Variants in HIBCH observed in about 807,000 individuals in gnomAD.
The protein encoded by HIBCH is 3-hydroxyisobutyryl-CoA hydrolase.
A neutral mutation model predicts 58.2 loss-of-function variants in HIBCH; 50 were observed. The observed-to-expected ratio is 0.86, with a 90% CI of 0.68 to 1.09. The LOEUF is 1.09. Among genes scored for constraint, HIBCH ranks in the 50% least tolerant of loss-of-function variants. HIBCH has a pLI of 0.00. For synonymous variants in HIBCH, 151 were observed against 146.9 expected (o/e 1.03, Z -0.20); for missense variants, 450 against 449.7 (o/e 1.00, Z -0.01).
At chr2:190,198,397 T>C (rs1250611671) in intron 1 of HIBCH, among the ~76,000 whole-genome samples, 3 of 152,174 alleles carry the variant, frequency 2.0e-5, no homozygotes, top group Non-Finnish European at 2.9e-5. Context: ...TCCAAGCACT[T>C]TGGGAGGCTG....
intron 1 of HIBCH, among the ~76,000 whole-genome samples, chr2:190,195,727 A>C (rs954300558): frequency 2.6e-5 from 4 of 152,132 alleles, no homozygotes; most frequent in African/African-American, 9.7e-5. Flanking sequence ...CATTTTCTTG[A>C]CCATGTCTTA....
intron 6 of HIBCH, among the ~76,000 whole-genome samples, chr2:190,285,585 C>T (rs1226915406): frequency 2.0e-5 from 3 of 152,122 alleles, no homozygotes; most frequent in Non-Finnish European, 2.9e-5. Context: ...GGGGAACTTC[C>T]TGTATTCCAA....
rs1687709696 is a variant in HIBCH, at chr2:190,281,760, T to C, written c.438+5826A>G. Among the ~76,000 whole-genome samples, 1 of 152,208 alleles carries C rather than the reference T, an allele frequency of 6.6e-6. No individual in the cohort carries two copies. Among genetic ancestry groups the C allele is most frequent in the African/African-American group, 2.4e-5 (1 of 41,454 alleles). ...CCCTCTCACAGCTTTATGTAAGCTA[T>C]TAAAAGTAGCCATGCAGCAGCCTGA... On this transcript the variant is annotated intron_variant, in intron 6 of 13. Transcript: ENST00000359678. The surrounding 1 kb of genome is among the most constrained non-coding windows in gnomAD (Gnocchi z 5.4).
intron 1 of HIBCH, among the ~76,000 whole-genome samples, chr2:190,317,886 T>TGC (rs749724333): frequency 1 from 148,780 of 148,830 alleles, 74,365 homozygotes; most frequent in Middle Eastern, 1. Flanking sequence ...TGCAGTGGCA[T>TGC]GATCTCGGCT....
intron 6 of HIBCH, among the ~76,000 whole-genome samples, chr2:190,270,706 G>A (rs989646514): frequency 1.3e-5 from 2 of 152,132 alleles, no homozygotes; most frequent in African/African-American, 4.8e-5. Flanking sequence ...TGGCATAAAA[G>A]TTACTATTAT....
At position 190,289,738 on chromosome 2, in the gene HIBCH, A is replaced by G. The variant is rs201501371; in HGVS notation, c.385+667T>C. Among the ~76,000 whole-genome samples, 5 of 152,126 alleles carry G rather than the reference A, an allele frequency of 3.3e-5. No homozygotes were observed. In the East Asian group the frequency reaches 5.8e-4, roughly 18 times the overall value. On this transcript the variant is annotated intron_variant, in intron 5 of 13. Coordinates refer to ENST00000359678, the MANE Select transcript of HIBCH (RefSeq NM_014362.4). ...AGATAAAAGTACTGCTTCACCTCCA[A>G]TGAAACCTAGAACCTTGAATATAAA...
At chr2:190,268,037 T>A (rs991888896) in intron 6 of HIBCH, among the ~76,000 whole-genome samples, 1 of 152,152 alleles carries the variant, frequency 6.6e-6, no homozygotes, top group East Asian at 1.9e-4. Flanking sequence ...GCATTTTAAA[T>A]ACTCAATTAG....
chr2:190,202,959 A>G (rs1301923003), downstream of HIBCH: 3 of 167,026 alleles, frequency 1.8e-5, no homozygotes, highest in Non-Finnish European at 4.4e-5. Context: ...GTTCTTTGCA[A>G]TCTGCCTGTG....
At chr2:190,278,491 G>A (rs1369207745) in intron 6 of HIBCH, among the ~76,000 whole-genome samples, 8 of 152,136 alleles carry the variant, frequency 5.3e-5, no homozygotes, top group Admixed American at 2.0e-4. Flanking sequence ...GGCGTGAGCC[G>A]CCGTGCCCAG....
chr2:190,289,006 G>A (rs942435704), intron 5 of HIBCH, among the ~76,000 whole-genome samples: 3 of 152,144 alleles, frequency 2.0e-5, no homozygotes, highest in African/African-American at 4.8e-5. Flanking sequence ...AGCTACTCAG[G>A]TGGCTGAGGC....
chr2:190,227,847 C>T (rs1245844858), intron 11 of HIBCH, among the ~76,000 whole-genome samples: 1 of 152,140 alleles, frequency 6.6e-6, no homozygotes, highest in East Asian at 1.9e-4. Context: ...ATCAAAACCA[C>T]AATGAGATAC....
At chr2:190,238,136 G>T (rs1465875507) in intron 11 of HIBCH, among the ~76,000 whole-genome samples, 1 of 152,128 alleles carries the variant, frequency 6.6e-6, no homozygotes, top group Non-Finnish European at 1.5e-5. Context: ...AAACATACAT[G>T]TGCGTGTGTC....
At chr2:190,293,210 G>C (rs188801414) in intron 4 of HIBCH, among the ~76,000 whole-genome samples, 368 of 152,208 alleles carry the variant, frequency 2.4e-3, no homozygotes, top group African/African-American at 8.3e-3. Flanking sequence ...GCATGTTGTT[G>C]GGAGGCCGAG....
rs892064558 is a variant in HIBCH, at chr2:190,319,759, A to T, written c.-9T>A. On this transcript the variant is annotated 5_prime_UTR_variant, in exon 1 of 14. Transcript: ENST00000359678. ...ATCTCGCGCTGCCCCATCGCCAAAC[A>T]CTCCGAAGCTAAAGCAGCAGAGCGA... 3.7e-6 allele frequency: 6 copies of T among 1,610,856 alleles called. No individual in the cohort carries two copies. Among genetic ancestry groups the T allele is most frequent in the Non-Finnish European group, 5.1e-6 (6 of 1,178,798 alleles).
Position 190,249,635 on chromosome 2 carries a change from A to T in HIBCH, c.750+5T>A, listed in dbSNP as rs1275480625. The T allele has an allele frequency of 1.3e-6, 2 of 1,529,608 alleles. No homozygotes were observed. The highest frequency in any genetic ancestry group is 1.8e-6 in the Non-Finnish European group (2 of 1,103,538). The allele number at this position is 1,529,608 out of a possible 1,614,324, so 94.8% of individuals were successfully genotyped here. The stretch of plus-strand genomic sequence containing the variant: ...AACCTGAGGTTAGAATATTAACAAG[A>T]TTACCTCTGTATGGTAATTTTCTAA... On this transcript the variant is annotated splice_donor_5th_base_variant and intron_variant, in intron 9 of 13. Coordinates refer to ENST00000359678, the MANE Select transcript of HIBCH (RefSeq NM_014362.4).
In HIBCH at chr2:190,215,254, T is replaced by C. The variant is rs913763786; in HGVS notation, c.892-2179A>G. 1.3e-5 allele frequency: 2 copies of C among 152,218 alleles called. No individual in the cohort carries two copies. The highest frequency in any genetic ancestry group is 6.5e-5 in the Admixed American group (1 of 15,278). The allele number at this position is 152,218 out of a possible 1,614,324, so 9.4% of individuals were successfully genotyped here. A position where few individuals can be genotyped will look rare whatever the true frequency, so the allele number is the denominator to read the frequency against. ...TAATTATAAGGGCAGCCATAACCAT[T>C]TGGGAAAGACAGCGTCCTCCCAGGC... On this transcript the variant is annotated intron_variant, in intron 11 of 13. Coordinates refer to ENST00000359678, the MANE Select transcript of HIBCH (RefSeq NM_014362.4). This position sits in a 1 kb window ranked among gnomAD's most constrained non-coding sequence, Gnocchi z 4.4.
At chr2:190,262,331 T>C (rs1055799199) in intron 6 of HIBCH, among the ~76,000 whole-genome samples, 1 of 152,142 alleles carries the variant, frequency 6.6e-6, no homozygotes, top group African/African-American at 2.4e-5. Flanking sequence ...TTCAGGAACA[T>C]AAGCAATGCC....
Position 190,192,971 on chromosome 2 carries a change from CCTT to C in HIBCH, c.*18-2977_*18-2975del, listed in dbSNP as rs369632142. 2.3e-3 allele frequency among the ~76,000 whole-genome samples: 355 copies of C among 152,138 alleles called. 4 individuals are homozygous for C. The highest frequency in any genetic ancestry group is 0.017 in the Middle Eastern group (5 of 294). On this transcript the variant is annotated intron_variant, in intron 1 of 1. Transcript: ENST00000399855. ...CATCTGCAAATAATGGCAGTTTTCT[CCTT>C]CTCTCAATCTTTATGCTTTGTATGT...
rs1686526848 is a variant in HIBCH, at chr2:190,243,947, G to A, written c.891+940C>T. Among the ~76,000 whole-genome samples, 1 of 152,080 alleles carries A rather than the reference G, an allele frequency of 6.6e-6. No homozygotes were observed. Among genetic ancestry groups the A allele is most frequent in the Non-Finnish European group, 1.5e-5 (1 of 68,004 alleles). ...ATTGCACCACTGTCCTCCAGCCTGG[G>A]GAACAGGGCAAGATTCTGTCTCAAA... On this transcript the variant is annotated intron_variant, in intron 11 of 13. Transcript: ENST00000359678. The surrounding 1 kb of genome is among the most constrained non-coding windows in gnomAD (Gnocchi z 4.1).
Sources: gnomAD v4.1 joint callset for allele counts (sites outside exome capture counted in the v4.1 genomes callset) on GRCh38, gnomAD v4.1.1 for gene constraint, Gnocchi (gnomAD v3.1) non-coding constraint, MANE v1.5 for transcripts, NCBI Gene and HGNC (gene_info 2026-07-23, HGNC 2026-07-21) for gene names.